Variants in CNTN1 observed in about 807,000 individuals in gnomAD.
The protein encoded by CNTN1 is contactin 1, also known as contactin-1.
Under a neutral mutation model 126.4 loss-of-function variants are expected in CNTN1, and 38 were observed. That is an observed-to-expected ratio of 0.30 (90% CI 0.23 to 0.39). The LOEUF is 0.39. CNTN1 is among the 10% of genes least tolerant of loss of function. The probability of loss-of-function intolerance (pLI) is 1.00; values close to 1 mark genes in which losing one functional copy is unlikely to be tolerated. For missense variants in CNTN1, 1,009 were observed against 1,248.4 expected (o/e 0.81, Z 2.89); for synonymous variants, 413 against 422.6 (o/e 0.98, Z 0.28).
intron 1 of CNTN1, among the ~76,000 whole-genome samples, chr12:40,735,064 G>A (rs868853942): frequency 6.6e-6 from 1 of 152,052 alleles, no homozygotes; most frequent in African/African-American, 2.4e-5. Context: ...ACTATTGTGG[G>A]TTGACTATTT....
chr12:40,849,442 TC>T (rs1942637530), intron 1 of CNTN1, among the ~76,000 whole-genome samples: 1 of 152,052 alleles, frequency 6.6e-6, no homozygotes, highest in African/African-American at 2.4e-5. Context: ...AGCTTGGAAA[TC>T]ATAGTGAATC....
intron 1 of CNTN1, among the ~76,000 whole-genome samples, chr12:40,797,769 T>G (rs2136477819): frequency 6.6e-6 from 1 of 152,022 alleles, no homozygotes; most frequent in South Asian, 2.1e-4. Flanking sequence ...AAGAATACAA[T>G]GGATTCGGTA....
chr12:40,914,347 C>T (rs773082628), intron 3 of CNTN1, among the ~76,000 whole-genome samples: 8 of 152,074 alleles, frequency 5.3e-5, no homozygotes, highest in Admixed American at 1.3e-4. Context: ...GTACAGCCTG[C>T]GAGGGAGACA....
intron 1 of CNTN1, among the ~76,000 whole-genome samples, chr12:40,813,973 G>T (rs937768836): frequency 1.3e-5 from 2 of 151,832 alleles, no homozygotes; most frequent in African/African-American, 4.9e-5. Flanking sequence ...TCATATGTTT[G>T]TTGGCCGTGT....
chr12:41,013,533 C>CA (rs34197329), intron 17 of CNTN1, among the ~76,000 whole-genome samples: 435 of 142,642 alleles, frequency 3.0e-3, no homozygotes, highest in East Asian at 5.5e-3. Flanking sequence ...GAGTGAAGTA[C>CA]AAAAAAAAAA....
intron 23 of CNTN1, among the ~76,000 whole-genome samples, chr12:41,058,622 A>G (rs1455696740): frequency 1.3e-5 from 2 of 152,152 alleles, no homozygotes; most frequent in East Asian, 1.9e-4. Flanking sequence ...AAGAATTTGA[A>G]AAGAACTTAA....
chr12:40,717,777 A>G (rs1206088114), intron 1 of CNTN1, among the ~76,000 whole-genome samples: 1 of 152,200 alleles, frequency 6.6e-6, no homozygotes, highest in Non-Finnish European at 1.5e-5. Context: ...AACATGGGAC[A>G]CCTGGTGGAT....
At chr12:40,727,678 A>G (rs1270795640) in intron 1 of CNTN1, among the ~76,000 whole-genome samples, 1 of 152,176 alleles carries the variant, frequency 6.6e-6, no homozygotes, top group Non-Finnish European at 1.5e-5. Context: ...CCATAGACAA[A>G]TTGTTGAAAA....
chr12:40,757,977 GT>G (rs1170023600), intron 1 of CNTN1, among the ~76,000 whole-genome samples: 1 of 149,850 alleles, frequency 6.7e-6, no homozygotes, highest in East Asian at 1.9e-4. Flanking sequence ...TGAGCACTTG[GT>G]GTTGTCGAGG....
At chr12:41,051,373 G>A (rs940486453) in intron 23 of CNTN1, among the ~76,000 whole-genome samples, 6 of 151,220 alleles carry the variant, frequency 4.0e-5, no homozygotes, top group African/African-American at 9.7e-5. Flanking sequence ...GGATGGTTTC[G>A]ATCTCCTGAC....
In CNTN1 at chr12:40,843,528, T is replaced by C. The variant is rs888451784; in HGVS notation, c.-76-64829T>C. Reference sequence around the variant, plus strand: ...CCCCAACATTTGGCACATTGCCTGGTGTATTGTAAATTGTTGGTTTACATT... The same window carrying C: ...CCCCAACATTTGGCACATTGCCTGGCGTATTGTAAATTGTTGGTTTACATT... On this transcript the variant is annotated intron_variant, in intron 1 of 23. Coordinates refer to ENST00000551295, the MANE Select transcript of CNTN1 (RefSeq NM_001843.4). Among the ~76,000 whole-genome samples the C allele has an allele frequency of 2.6e-5, 4 of 152,202 alleles. No individual in the cohort carries two copies. In the East Asian group the frequency reaches 7.7e-4, roughly 29 times the overall value.
intron 1 of CNTN1, among the ~76,000 whole-genome samples, chr12:40,727,722 CT>C (rs1363917268): frequency 6.6e-6 from 1 of 152,130 alleles, no homozygotes; most frequent in Non-Finnish European, 1.5e-5. Context: ...ATGCTACACC[CT>C]TTGTCTATAA....
chr12:40,821,476 T>A (rs1018228711), intron 1 of CNTN1, among the ~76,000 whole-genome samples: 54 of 152,334 alleles, frequency 3.5e-4, no homozygotes, highest in African/African-American at 1.3e-3. Context: ...AAAGACTTTA[T>A]GTTTTTCAAT....
At chr12:40,865,698 A>C (rs1484886306) in intron 1 of CNTN1, among the ~76,000 whole-genome samples, 2 of 152,012 alleles carry the variant, frequency 1.3e-5, no homozygotes, top group African/African-American at 4.8e-5. Flanking sequence ...TATTATTACC[A>C]AGACTACATT....
At chr12:40,972,695 C>A in intron 15 of CNTN1, 1 of 958,690 alleles carries the variant, frequency 1.0e-6, no homozygotes. Context: ...TATCTTAGAA[C>A]TTAGACTAGA....
At chr12:40,717,603 G>T (rs1433113634) in intron 1 of CNTN1, among the ~76,000 whole-genome samples, 3 of 152,144 alleles carry the variant, frequency 2.0e-5, no homozygotes, top group African/African-American at 7.2e-5. Flanking sequence ...ATTTTCAGAT[G>T]AACTTCATTT....
At chr12:40,906,260 G>C (rs750008966) in intron 1 of CNTN1, among the ~76,000 whole-genome samples, 1 of 152,024 alleles carries the variant, frequency 6.6e-6, no homozygotes, top group Admixed American at 6.6e-5. Flanking sequence ...GACAGAGAGA[G>C]ACTACGTCTC....
chr12:40,965,597 C>A (rs369024380), intron 15 of CNTN1, among the ~76,000 whole-genome samples: 3 of 152,032 alleles, frequency 2.0e-5, no homozygotes, highest in African/African-American at 7.2e-5. Context: ...CAAAGACATG[C>A]ATTATAAACA....
chr12:40,771,399 AAAAT>A (rs1939330736), intron 1 of CNTN1, among the ~76,000 whole-genome samples: 2 of 152,106 alleles, frequency 1.3e-5, no homozygotes, highest in East Asian at 1.9e-4. Context: ...ATTTTGAAGT[AAAAT>A]AAAGTCAATG....
Sources: gnomAD v4.1 joint callset for allele counts (sites outside exome capture counted in the v4.1 genomes callset) on GRCh38, gnomAD v4.1.1 for gene constraint, MANE v1.5 for transcripts, NCBI Gene and HGNC (gene_info 2026-07-23, HGNC 2026-07-21) for gene names.